Variants in PKHD1 observed in about 807,000 individuals in gnomAD.
PKHD1 encodes PKHD1 ciliary IPT domain containing fibrocystin/polyductin, also known as fibrocystin.
Under a neutral mutation model 412.0 loss-of-function variants are expected in PKHD1, and 291 were observed. The observed-to-expected ratio is 0.71, with a 90% CI of 0.64 to 0.78. The LOEUF is 0.78. PKHD1 is among the 30% of genes least tolerant of loss of function. The pLI, the probability that PKHD1 is intolerant of heterozygous loss-of-function variation, is 0.00. For missense variants in PKHD1, 4,825 were observed against 4,950.7 expected (o/e 0.97, Z 0.76); for synonymous variants, 1,777 against 1,821.5 (o/e 0.98, Z 0.62).
chr6:51,777,440 T>C (rs940390058), intron 53 of PKHD1, among the ~76,000 whole-genome samples: 1 of 152,088 alleles, frequency 6.6e-6, no homozygotes, highest in South Asian at 2.1e-4. Context: ...TTTCCAATAA[T>C]ATGCAAAGGT....
In PKHD1 at chr6:52,058,555, G is replaced by C; in HGVS notation, c.1280C>G (p.Ser427Cys). Residue 427 changes from serine (S) to cysteine (C), a missense_variant, in exon 16 of 67, where the codon TCC (serine) becomes TGC (cysteine). Ser to Cys is a moderately radical substitution (Grantham distance 112). Coordinates refer to ENST00000371117, the MANE Select transcript of PKHD1 (RefSeq NM_138694.4). ...CCCTTCATCCCTATTCTGCTCCCAG[G>C]AGTCAAACCAGTCAGCAGTGCCGAC... Reference protein sequence around the residue: ...ISVGTADWFDSWEQNRDEGTW... With the variant: ...ISVGTADWFDCWEQNRDEGTW... The C allele has an allele frequency of 6.2e-7, 1 of 1,614,130 alleles. No homozygotes were observed. The highest frequency in any genetic ancestry group is 8.5e-7 in the Non-Finnish European group (1 of 1,180,018).
At chr6:51,800,714 G>A (rs1762779487) in intron 52 of PKHD1, among the ~76,000 whole-genome samples, 1 of 152,188 alleles carries the variant, frequency 6.6e-6, no homozygotes, top group African/African-American at 2.4e-5. Context: ...CACATGAACA[G>A]GCATAATTTA....
At chr6:51,733,230 G>A (rs530074494) in intron 60 of PKHD1, among the ~76,000 whole-genome samples, 129 of 152,200 alleles carry the variant, frequency 8.5e-4, no homozygotes, top group African/African-American at 2.7e-3. Flanking sequence ...TAATACCACT[G>A]AACTGTACAC....
chr6:51,959,982 G>T lies in PKHD1; in HGVS notation c.5796C>A (p.His1932Gln). The T allele has an allele frequency of 6.2e-7, 1 of 1,613,508 alleles. No individual in the cohort carries two copies. The highest frequency in any genetic ancestry group is 8.5e-7 in the Non-Finnish European group (1 of 1,179,606). Residue 1932 changes from histidine (H) to glutamine (Q), a missense_variant, in exon 36 of 67, where the codon CAC becomes CAA. Coordinates refer to ENST00000371117, the MANE Select transcript of PKHD1 (RefSeq NM_138694.4). ...GTGGCAGCCTTTCAGGAAACCAGCT[G>T]TGAGTCCTGGACCATCTCCGGCAGA... ...LQFCRRWSRT[H>Q]SWFPERLPQD... is the part of the protein sequence containing the mutation.
intron 60 of PKHD1, chr6:51,721,971 C>T: frequency 6.2e-7 from 1 of 1,613,532 alleles, no homozygotes; most frequent in Non-Finnish European, 8.5e-7. Flanking sequence ...GTTCAGCTTC[C>T]TGCAGGCTCC....
rs2150226142 is a variant in PKHD1, at chr6:51,615,323, T to C, written c.*3758A>G. On this transcript the variant is annotated 3_prime_UTR_variant, in exon 67 of 67. Transcript: ENST00000371117. Reference sequence around the variant, plus strand: ...ATATTTGTAAACATTCAAATCTCTGTATTCTGCCACTTAATCCACATTTAA... The same window carrying C: ...ATATTTGTAAACATTCAAATCTCTGCATTCTGCCACTTAATCCACATTTAA... The C allele has an allele frequency of 6.6e-6, 1 of 152,148 alleles. No individual in the cohort carries two copies. The highest frequency in any genetic ancestry group is 1.9e-4 in the East Asian group (1 of 5,190). The allele number at this position is 152,148 out of a possible 1,614,324, so 9.4% of individuals were successfully genotyped here.
intron 35 of PKHD1, among the ~76,000 whole-genome samples, chr6:51,983,906 G>A (rs542373447): frequency 6.6e-6 from 1 of 152,332 alleles, no homozygotes; most frequent in African/African-American, 2.4e-5. Flanking sequence ...CACTTTACCT[G>A]CTATCCCTGC....
At chr6:51,711,480 T>C (rs1246869768) in intron 60 of PKHD1, among the ~76,000 whole-genome samples, 2 of 152,232 alleles carry the variant, frequency 1.3e-5, no homozygotes, top group Non-Finnish European at 2.9e-5. Flanking sequence ...ATATATTTTA[T>C]CTGAAGAGGA....
chr6:51,855,938 G>C lies in PKHD1; in HGVS notation c.7866C>G (p.Thr2622=), dbSNP rs752563887. The C allele has an allele frequency of 2.5e-6, 4 of 1,613,818 alleles. No homozygotes were observed. The South Asian group carries it at 3.3e-5, about 13-fold the overall frequency. ...AAAGGTTCTCAGATTGCAATGAGTA[G>C]GTCTCTTGGTCCAAGAGCAGAGCCA... ...GWMALLLDQE[T]YSLQSENLWI... The change falls in exon 49 of 67, where the codon ACC becomes ACG. Residue 2622 remains threonine (T), a synonymous_variant. Transcript: ENST00000371117.
rs565559015 is a variant in PKHD1 at position 51,733,543 on chromosome 6, A to AG, written c.10156+10841_10156+10842insC. Among the ~76,000 whole-genome samples, 15 of 151,768 alleles carry AG rather than the reference A, an allele frequency of 9.9e-5. No individual in the cohort carries two copies. The South Asian group carries it at 3.1e-3, about 32-fold the overall frequency. The stretch of plus-strand genomic sequence containing the variant: ...AGAGGGAGACTCCCTCTCAAAAAAA[A>AG]AAAAAAATGGTTAAGATGGTAAATT... On this transcript the variant is annotated intron_variant, in intron 60 of 66. Coordinates refer to ENST00000371117, the MANE Select transcript of PKHD1 (RefSeq NM_138694.4).
chr6:51,685,750 G>A (rs1391389192), intron 60 of PKHD1, among the ~76,000 whole-genome samples: 2 of 152,140 alleles, frequency 1.3e-5, no homozygotes. Context: ...CTACCTTCCT[G>A]TGGCAGTGGT....
chr6:52,058,968 C>A (rs1259968031), intron 15 of PKHD1, among the ~76,000 whole-genome samples: 1 of 152,180 alleles, frequency 6.6e-6, no homozygotes, highest in East Asian at 1.9e-4. Flanking sequence ...TATGACATTT[C>A]TCCAATAAAC....
rs375437755 is a variant in PKHD1, at chr6:52,024,972, C to T, written c.4838G>A (p.Cys1613Tyr). The change falls in exon 32 of 67, where the codon TGC becomes TAC. Residue 1613 changes from cysteine to tyrosine, a missense_variant. Coordinates refer to ENST00000371117, the MANE Select transcript of PKHD1 (RefSeq NM_138694.4). ...CTCAGCACCGATGTTCACCGTCAGG[C>T]AGGTCTGCTGGTCAATATAGACTGA... ...TTSVYIDQQT[C>Y]LTVNIGAELI... 1.9e-6 allele frequency: 3 copies of T among 1,614,094 alleles called. No individual in the cohort carries two copies. Among genetic ancestry groups the T allele is most frequent in the Non-Finnish European group, 2.5e-6 (3 of 1,180,044 alleles).
chr6:51,951,852 C>A (rs1342736151), intron 36 of PKHD1, among the ~76,000 whole-genome samples: 1 of 152,132 alleles, frequency 6.6e-6, no homozygotes, highest in East Asian at 1.9e-4. Flanking sequence ...TCCTGCATGA[C>A]CCTATAAGCC....
At chr6:51,806,009 C>G (rs932885376) in intron 52 of PKHD1, among the ~76,000 whole-genome samples, 1 of 141,464 alleles carries the variant, frequency 7.1e-6, no homozygotes, top group Non-Finnish European at 1.5e-5. Flanking sequence ...TACCCAGTAA[C>G]AGGATGGCTG....
Position 52,082,515 on chromosome 6 carries a change from T to C in PKHD1, c.158A>G (p.Asn53Ser), listed in dbSNP as rs141790557. The C allele has an allele frequency of 1.8e-3, 2,868 of 1,614,118 alleles. 11 individuals carry two copies. Among genetic ancestry groups the C allele is most frequent in the Non-Finnish European group, 2.2e-3 (2,643 of 1,179,984 alleles). Residue 53 changes from asparagine (N) to serine (S), a missense_variant, in exon 4 of 67, where the codon AAC (asparagine) becomes AGC (serine). By Grantham distance (46) the Asn-to-Ser change is conservative. Coordinates refer to ENST00000371117, the MANE Select transcript of PKHD1 (RefSeq NM_138694.4). ...GTGTATCTCCAATTGAGAGCCATTG[T>C]TGGGGTAAAGAACACCCAACTCCAA... ...DGLELGVLYP[N>S]NGSQLEIHLV...
chr6:51,739,090 ATATG>A (rs1458713651), intron 60 of PKHD1, among the ~76,000 whole-genome samples: 3 of 147,020 alleles, frequency 2.0e-5, no homozygotes, highest in African/African-American at 7.4e-5. Flanking sequence ...ATATATTTTA[ATATG>A]TATTTTATAT....
chr6:51,731,277 G>C (rs1018443936), intron 60 of PKHD1, among the ~76,000 whole-genome samples: 4 of 152,180 alleles, frequency 2.6e-5, no homozygotes, highest in African/African-American at 9.6e-5. Flanking sequence ...TACAGAGCCA[G>C]TTTATTATTA....
rs2150241322 is a variant in PKHD1, at chr6:51,619,414, C to T, written c.11892G>A (p.Glu3964=). ...KVSRHIVREE[E]AAVPAPGTTG... ...TAGTACCAGGAGCAGGCACAGCAGC[C>T]TCTTCCTCTCGGACAATGTGGCGGC... Residue 3964 remains glutamate (E), a synonymous_variant, in exon 67 of 67, where the codon GAG becomes GAA. Transcript: ENST00000371117. 6.2e-7 allele frequency: 1 copy of T among 1,613,712 alleles called. No homozygotes were observed. The highest frequency in any genetic ancestry group is 2.2e-5 in the East Asian group (1 of 44,870).
Sources: gnomAD v4.1 joint callset for allele counts (sites outside exome capture counted in the v4.1 genomes callset) on GRCh38, gnomAD v4.1.1 for gene constraint, MANE v1.5 for transcripts, NCBI Gene and HGNC (gene_info 2026-07-23, HGNC 2026-07-21) for gene names.